Variants in AKAP19 observed in about 807,000 individuals in gnomAD.
AKAP19 encodes A-kinase anchoring protein 19.
the AKAP19 span, among the ~76,000 whole-genome samples, chr2:189,977,294 AGCCACTCTCCTT>A: frequency 0.017 from 2,582 of 152,292 alleles, 77 homozygotes; most frequent in African/African-American, 0.059. Flanking sequence ...TAAGTAACAT[AGCCACTCTCCTT>A]GCCCTAATAG....
At chr2:189,913,399 T>C in the AKAP19 span, among the ~76,000 whole-genome samples, 1 of 152,118 alleles carries the variant, frequency 6.6e-6, no homozygotes, top group South Asian at 2.1e-4. Context: ...TTAAAAATTA[T>C]CCAGATTTAT....
the AKAP19 span, chr2:190,060,422 C>T: frequency 1.9e-6 from 3 of 1,609,628 alleles, no homozygotes; most frequent in South Asian, 3.3e-5. Context: ...CATCCACTTG[C>T]ATTAGAAAAT....
chr2:189,981,448 T>C, the AKAP19 span, among the ~76,000 whole-genome samples: 1 of 152,150 alleles, frequency 6.6e-6, no homozygotes, highest in Non-Finnish European at 1.5e-5. Flanking sequence ...GGTCTTGTAT[T>C]TTAATCCAAT....
the AKAP19 span, among the ~76,000 whole-genome samples, chr2:189,971,323 T>C: frequency 6.6e-6 from 1 of 152,260 alleles, no homozygotes; most frequent in Non-Finnish European, 1.5e-5. Context: ...TCATCCTTTT[T>C]TATGGATGCA....
chr2:190,187,334 T>C, the AKAP19 span, among the ~76,000 whole-genome samples: 1 of 152,000 alleles, frequency 6.6e-6, no homozygotes. Context: ...AAACCATCCC[T>C]GTTAATCCAG....
chr2:189,923,988 T>C, the AKAP19 span: 12 of 1,510,192 alleles, frequency 7.9e-6, no homozygotes, highest in African/African-American at 1.4e-5. Context: ...ATGAACAATG[T>C]TAAGTCAGAA....
chr2:189,917,570 G>A, the AKAP19 span: 1 of 480,058 alleles, frequency 2.1e-6, no homozygotes, highest in East Asian at 3.7e-5. Flanking sequence ...TCTTATTAAG[G>A]TCTTATTGCT....
chr2:190,005,847 CT>C, the AKAP19 span, among the ~76,000 whole-genome samples: 1 of 152,180 alleles, frequency 6.6e-6, no homozygotes, highest in Non-Finnish European at 1.5e-5. Flanking sequence ...TGGCATTCTT[CT>C]TTTAGCTTTA....
the AKAP19 span, among the ~76,000 whole-genome samples, chr2:190,149,133 T>C: frequency 2.7e-4 from 41 of 152,170 alleles, no homozygotes; most frequent in Admixed American, 2.5e-3. Context: ...CTGGCTAATT[T>C]TGTATTTTTA....
chr2:189,945,253 TA>T, the AKAP19 span, among the ~76,000 whole-genome samples: 1 of 152,020 alleles, frequency 6.6e-6, no homozygotes, highest in Admixed American at 6.6e-5. Context: ...AGAGCAGAAA[TA>T]AATGTAACTG....
the AKAP19 span, among the ~76,000 whole-genome samples, chr2:189,936,605 T>C: frequency 6.6e-6 from 1 of 152,204 alleles, no homozygotes; most frequent in Admixed American, 6.5e-5. Context: ...GTAGGATATT[T>C]CCTACATTAT....
the AKAP19 span, among the ~76,000 whole-genome samples, chr2:190,177,800 A>G: frequency 7.2e-5 from 11 of 152,186 alleles, no homozygotes; most frequent in Admixed American, 7.2e-4. This position sits in a 1 kb window ranked among gnomAD's most constrained non-coding sequence, Gnocchi z 4.6. Context: ...CAAGTTTACT[A>G]TTTAAAATGC....
the AKAP19 span, among the ~76,000 whole-genome samples, chr2:189,961,118 G>A: frequency 6.8e-4 from 104 of 152,300 alleles, no homozygotes; most frequent in Middle Eastern, 0.01. Context: ...ACAAGTGCGA[G>A]AAACAAAGTG....
the AKAP19 span, among the ~76,000 whole-genome samples, chr2:190,136,161 G>A: frequency 6.6e-6 from 1 of 152,340 alleles, no homozygotes; most frequent in African/African-American, 2.4e-5. Flanking sequence ...TTTTGAGGAA[G>A]GGATAGAGTG....
At chr2:190,089,003 C>T in the AKAP19 span, among the ~76,000 whole-genome samples, 1 of 152,144 alleles carries the variant, frequency 6.6e-6, no homozygotes, top group Non-Finnish European at 1.5e-5. Flanking sequence ...GAAGCCCTGA[C>T]TTAGGTTTTT....
chr2:189,978,911 A>G, the AKAP19 span, among the ~76,000 whole-genome samples: 2 of 152,132 alleles, frequency 1.3e-5, no homozygotes, highest in Non-Finnish European at 2.9e-5. Flanking sequence ...AATGTATACC[A>G]AACACTGATG....
the AKAP19 span, among the ~76,000 whole-genome samples, chr2:189,910,589 CTTCT>C: frequency 6.6e-6 from 1 of 151,628 alleles, no homozygotes; most frequent in Admixed American, 6.6e-5. Context: ...CTCTTTTTCT[CTTCT>C]TTCTTTTTCT....
chr2:190,181,803 G>A, the AKAP19 span, among the ~76,000 whole-genome samples: 2 of 152,110 alleles, frequency 1.3e-5, no homozygotes, highest in African/African-American at 4.8e-5. Context: ...GGAGGAATAG[G>A]GAATCTACTT....
the AKAP19 span, among the ~76,000 whole-genome samples, chr2:190,171,789 T>C: frequency 6.6e-6 from 1 of 152,160 alleles, no homozygotes; most frequent in East Asian, 1.9e-4. Flanking sequence ...GGAAAATAAC[T>C]TGCTGGGGAA....
Sources: allele counts gnomAD v4.1 joint callset (sites outside exome capture counted in the v4.1 genomes callset), GRCh38; gene constraint gnomAD v4.1.1; non-coding constraint Gnocchi (gnomAD v3.1); transcripts MANE v1.5; gene names NCBI Gene and HGNC (gene_info 2026-07-23, HGNC 2026-07-21).